ZC3H3: variants seen among roughly 807,000 people sequenced by gnomAD.
ZC3H3 encodes zinc finger CCCH domain-containing protein 3.
ZC3H3 carries 36 observed loss-of-function variants against 77.3 expected under a neutral mutation model. That is an observed-to-expected ratio of 0.47 (90% CI 0.36 to 0.61). ZC3H3 has a LOEUF of 0.61. Ranked by LOEUF, ZC3H3 falls within the 20% of genes least tolerant of loss-of-function variation. The pLI, the probability that ZC3H3 is intolerant of heterozygous loss-of-function variation, is 0.00. For synonymous variants in ZC3H3, 626 were observed against 555.2 expected, an observed-to-expected ratio of 1.13 and a Z score of -1.79; for missense variants, 1,331 against 1,312.2, an observed-to-expected ratio of 1.01 and a Z score of -0.22.
rs1342292757 is a variant in ZC3H3, at chr8:143,541,370, AC to A, written c.46+5del. ...GGACTCGCGTCCCGGCCCCGGCCGG[AC>A]CTACCCTGCAGTAGGCGGATCTGCC... On this transcript the variant is annotated splice_donor_5th_base_variant and intron_variant, in intron 1 of 11. Transcript: ENST00000262577. 6.2e-7 allele frequency: 1 copy of A among 1,609,898 alleles called. No individual in the cohort carries two copies.
intron 4 of ZC3H3, among the ~76,000 whole-genome samples, chr8:143,478,316 C>T (rs1395391383): frequency 6.6e-6 from 1 of 152,198 alleles, no homozygotes; most frequent in African/African-American, 2.4e-5. Flanking sequence ...GCAGCACTTG[C>T]TCCCCTCCCC....
chr8:143,465,518 C>T (rs1820385428), intron 9 of ZC3H3, among the ~76,000 whole-genome samples, 199 bp downstream of exon 9: 1 of 152,230 alleles, frequency 6.6e-6, no homozygotes, highest in South Asian at 2.1e-4. Context: ...ATGGTTCAAA[C>T]CCCGCCCTGT....
At position 143,475,279 on chromosome 8, in the gene ZC3H3, C is replaced by T. The variant is rs896471627; in HGVS notation, c.1903+119G>A. ...CCTGACCTCCTCCCCAAGACAGGGG[C>T]GTGAGCCAAGGCCCAGAGCAGCCAC... On this transcript the variant is annotated intron_variant, in intron 5 of 11. Transcript: ENST00000262577. 1.2e-5 allele frequency: 15 copies of T among 1,259,008 alleles called. No homozygotes were observed. The African/African-American group carries it at 1.2e-4, about 10-fold the overall frequency. The allele number at this position is 1,259,008 out of a possible 1,614,324, so 78.0% of individuals were successfully genotyped here.
intron 3 of ZC3H3, among the ~76,000 whole-genome samples, chr8:143,513,789 A>T (rs777553144): frequency 1.3e-5 from 2 of 152,208 alleles, no homozygotes; most frequent in Non-Finnish European, 2.9e-5. Flanking sequence ...CCTTCCCTGC[A>T]TAGCCAGGCC....
intron 4 of ZC3H3, among the ~76,000 whole-genome samples, chr8:143,491,329 G>A (rs1821196000): frequency 6.6e-6 from 1 of 152,250 alleles, no homozygotes; most frequent in South Asian, 2.1e-4. Flanking sequence ...CGATGCCACT[G>A]CCGGCCCACA....
At chr8:143,481,479 G>T (rs1379544804) in intron 4 of ZC3H3, among the ~76,000 whole-genome samples, 3 of 152,220 alleles carry the variant, frequency 2.0e-5, no homozygotes, top group Admixed American at 2.0e-4. Context: ...GTGACCAGGG[G>T]CGGGAGAGGC....
chr8:143,444,242 G>A (rs1819815055), intron 9 of ZC3H3, among the ~76,000 whole-genome samples: 1 of 152,076 alleles, frequency 6.6e-6, no homozygotes, highest in Non-Finnish European at 1.5e-5. Flanking sequence ...CCAAAGTGCT[G>A]GGATTACAGG....
intron 1 of ZC3H3, among the ~76,000 whole-genome samples, chr8:143,540,616 G>A (rs1396023567): frequency 6.6e-6 from 1 of 152,206 alleles, no homozygotes; most frequent in Non-Finnish European, 1.5e-5. Context: ...GTCTGCGCCT[G>A]GAATGGCAAG....
chr8:143,507,156 C>T (rs908271971), intron 4 of ZC3H3, among the ~76,000 whole-genome samples: 1 of 152,232 alleles, frequency 6.6e-6, no homozygotes, highest in Admixed American at 6.5e-5. Flanking sequence ...CTTGACTGAG[C>T]AGGTGGCAAA....
chr8:143,508,244 C>T (rs975418927), intron 3 of ZC3H3, among the ~76,000 whole-genome samples: 3 of 152,212 alleles, frequency 2.0e-5, no homozygotes, highest in African/African-American at 4.8e-5. Context: ...AGACAGTATC[C>T]GCAACAGGGG....
intron 9 of ZC3H3, among the ~76,000 whole-genome samples, chr8:143,458,858 T>C (rs1177011137): frequency 0.16 from 12,220 of 77,562 alleles, no homozygotes; most frequent in Middle Eastern, 0.36. Flanking sequence ...CAGTGGCTCA[T>C]GCCTGTAACC....
At position 143,538,393 on chromosome 8, in the gene ZC3H3, C is replaced by T. The variant is rs778569392; in HGVS notation, c.974G>A (p.Arg325Gln). Reference sequence around the variant, plus strand: ...AGCCACTCTGGGACTGAGGGCCCTCCGAGCAACCCGGGGACTCTTCGAGGA... The same window carrying T: ...AGCCACTCTGGGACTGAGGGCCCTCTGAGCAACCCGGGGACTCTTCGAGGA... ...AASSKSPRVA[R>Q]RALSPRVAAE... Residue 325 changes from arginine (R) to glutamine (Q), a missense_variant, in exon 2 of 12, where the codon CGG becomes CAG. By Grantham distance (43) the Arg-to-Gln change is conservative. Around this residue, in one of 3 missense-constraint regions of ZC3H3, gnomAD observed 978 missense variants for 915.5 expected, o/e 1.07. Coordinates refer to ENST00000262577, the MANE Select transcript of ZC3H3 (RefSeq NM_015117.3). 1.0e-4 allele frequency: 168 copies of T among 1,613,110 alleles called. No individual in the cohort carries two copies. Among genetic ancestry groups the T allele is most frequent in the Non-Finnish European group, 1.3e-4 (157 of 1,180,038 alleles).
At chr8:143,502,735 T>C (rs568568515) in intron 4 of ZC3H3, among the ~76,000 whole-genome samples, 1 of 152,380 alleles carries the variant, frequency 6.6e-6, no homozygotes, top group South Asian at 2.1e-4. Flanking sequence ...TTGCTGGAGC[T>C]GGTGAGGGCA....
chr8:143,450,931 C>T (rs1819973035), intron 9 of ZC3H3, among the ~76,000 whole-genome samples: 2 of 152,180 alleles, frequency 1.3e-5, no homozygotes, highest in Admixed American at 6.6e-5. Context: ...TGTATGGGAA[C>T]TCTCTGTGAT....
In ZC3H3 at chr8:143,507,828, T is replaced by C. The variant is rs1483263400; in HGVS notation, c.1633A>G (p.Lys545Glu). The C allele has an allele frequency of 6.2e-7, 1 of 1,610,322 alleles. No individual in the cohort carries two copies. The change falls in exon 4 of 12, where the codon AAG (lysine) becomes GAG (glutamate). Residue 545 changes from lysine to glutamate, a missense_variant. Transcript: ENST00000262577. ...GCGCTGAGAGGCGAGGCCGGCGTCT[T>C]CTTGACAATGCGGTAGCGGGTCTTG... ...VIKTRYRIVKKTPASPLSAPP... is the reference protein window; with the variant it reads ...VIKTRYRIVKETPASPLSAPP...
At chr8:143,523,416 C>A in intron 3 of ZC3H3, 1 of 985,452 alleles carries the variant, frequency 1.0e-6, no homozygotes, top group Non-Finnish European at 1.2e-6. Flanking sequence ...TTTCCCGGTG[C>A]CCTGTCTGGA....
chr8:143,441,526 A>C (rs1264017510), intron 9 of ZC3H3, among the ~76,000 whole-genome samples: 1 of 152,030 alleles, frequency 6.6e-6, no homozygotes, highest in Non-Finnish European at 1.5e-5. Flanking sequence ...TGGGGGTCTT[A>C]GGCTGGGCCG....
chr8:143,466,595 G>T (rs956111879), intron 8 of ZC3H3, among the ~76,000 whole-genome samples: 2 of 152,184 alleles, frequency 1.3e-5, no homozygotes, highest in Admixed American at 1.3e-4. Context: ...AGGGAAGCAG[G>T]GGGTCTCTTG....
At chr8:143,501,112 C>T (rs1393839543) in intron 4 of ZC3H3, among the ~76,000 whole-genome samples, 2 of 150,864 alleles carry the variant, frequency 1.3e-5, no homozygotes, top group Non-Finnish European at 3.0e-5. Context: ...CCACTGCACC[C>T]GGCCATGTCT....
Sources: allele counts gnomAD v4.1 joint callset (sites outside exome capture counted in the v4.1 genomes callset), GRCh38; gene constraint gnomAD v4.1.1; regional missense constraint gnomAD v4.1.1; transcripts MANE v1.5; gene names NCBI Gene and HGNC (gene_info 2026-07-23, HGNC 2026-07-21).